Variants in NSD2 observed in about 807,000 individuals in gnomAD.
The protein encoded by NSD2 is nuclear receptor binding SET domain protein 2, also known as histone-lysine N-methyltransferase NSD2.
A neutral mutation model predicts 139.0 loss-of-function variants in NSD2; 12 were observed. The ratio of observed to expected loss-of-function variants is 0.09; its 90% CI spans 0.06 to 0.14. The LOEUF (loss-of-function observed/expected upper bound fraction) is 0.14. Ranked by LOEUF, NSD2 falls within the 10% of genes least tolerant of loss-of-function variation. The pLI is 1.00. For synonymous variants in NSD2, 669 were observed against 648.7 expected, an observed-to-expected ratio of 1.03 and a Z score of -0.48; for missense variants, 1,155 against 1,745.0, an observed-to-expected ratio of 0.66 and a Z score of 6.02.
At chr4:1,902,543 G>T (rs1456907774) in intron 2 of NSD2, among the ~76,000 whole-genome samples, 1 of 152,008 alleles carries the variant, frequency 6.6e-6, no homozygotes, top group Non-Finnish European at 1.5e-5. Context: ...TTTTTGAAGT[G>T]CCCACAGCAG....
intron 21 of NSD2, among the ~76,000 whole-genome samples, chr4:1,978,098 G>C (rs1214223456): frequency 6.6e-6 from 1 of 152,096 alleles, no homozygotes; most frequent in Non-Finnish European, 1.5e-5. Flanking sequence ...CTGCTCTCCA[G>C]CCTGGGCGAC....
chr4:1,904,711 T>C (rs1056545285), intron 3 of NSD2, among the ~76,000 whole-genome samples: 1 of 152,244 alleles, frequency 6.6e-6, no homozygotes, highest in Admixed American at 6.5e-5. Flanking sequence ...GTTTAAGTTG[T>C]AAAAATGTCC....
chr4:1,881,093 A>G (rs995824413), intron 1 of NSD2, among the ~76,000 whole-genome samples: 10 of 152,112 alleles, frequency 6.6e-5, no homozygotes, highest in Non-Finnish European at 1.5e-4. Context: ...TGGTTACATC[A>G]GGACTTCAGG....
chr4:1,920,544 T>G (rs1719980503), intron 5 of NSD2, among the ~76,000 whole-genome samples: 1 of 152,212 alleles, frequency 6.6e-6, no homozygotes, highest in African/African-American at 2.4e-5. Flanking sequence ...ATTCATTGCT[T>G]TTTTTAATTA....
In NSD2 at chr4:1,916,949, G is replaced by A; in HGVS notation, c.839G>A (p.Ser280Asn). 6.2e-7 allele frequency: 1 copy of A among 1,614,176 alleles called. No homozygotes were observed. Residue 280 changes from serine (S) to asparagine (N), a missense_variant, in exon 4 of 22, where the codon AGC (serine) becomes AAC (asparagine). This residue lies in a region of NSD2 where 420 missense variants were observed against 469.0 expected (regional missense o/e 0.90). Transcript: ENST00000508803. ...APERAWIFEK[S>N]LVAFEGEGQF... ...GAAAGAGCTTGGATATTTGAGAAGA[G>A]CCTCGTAGCTTTTGAAGGAGAAGGA... is the stretch of plus-strand genomic sequence containing the variant.
At position 1,980,524 on chromosome 4, in the gene NSD2, T is replaced by C. The variant is rs1727652856; in HGVS notation, c.*1615T>C. ...CCTGTTAAATTTTCTGTGGCATCTT[T>C]TATGCCTTGGTAAAAACTGCAGTGT... On this transcript the variant is annotated 3_prime_UTR_variant, in exon 22 of 22. Transcript: ENST00000508803. The C allele has an allele frequency of 1.7e-5, 4 of 233,244 alleles. No individual in the cohort carries two copies. The highest frequency in any genetic ancestry group is 3.4e-5 in the Non-Finnish European group (4 of 118,014). The allele number at this position is 233,244 out of a possible 1,614,324, so 14.4% of individuals were successfully genotyped here.
At chr4:1,969,984 C>T (rs749994357) in intron 18 of NSD2, among the ~76,000 whole-genome samples, 1 of 151,970 alleles carries the variant, frequency 6.6e-6, no homozygotes, top group South Asian at 2.1e-4. Context: ...AAGAACGGCA[C>T]GAAGGTGGAT....
intron 5 of NSD2, among the ~76,000 whole-genome samples, chr4:1,929,171 G>A (rs1721323615): frequency 6.6e-6 from 1 of 152,024 alleles, no homozygotes; most frequent in Non-Finnish European, 1.5e-5. Context: ...ACAAGAGGGA[G>A]TGGAGCACAT....
chr4:1,979,543 C>T lies in NSD2; in HGVS notation c.*634C>T, dbSNP rs1220918270. 4.3e-6 allele frequency: 1 copy of T among 233,030 alleles called. No individual in the cohort carries two copies. Among genetic ancestry groups the T allele is most frequent in the Non-Finnish European group, 8.5e-6 (1 of 117,912 alleles). 14.4% of individuals were successfully genotyped at this position (233,030 alleles called of 1,614,324 possible). A position where few individuals can be genotyped will look rare whatever the true frequency, so the allele number is the denominator to read the frequency against. ...CAGCAATGGTGTTGTAAGATTTCCT[C>T]CCGTAGTTTTTTCTCCTCATGGATT... On this transcript the variant is annotated 3_prime_UTR_variant, in exon 22 of 22. Coordinates refer to ENST00000508803, the MANE Select transcript of NSD2 (RefSeq NM_001042424.3).
Position 1,968,244 on chromosome 4 carries a change from A to C in NSD2, c.3373-6619A>C, listed in dbSNP as rs552191659. ...TTAAATGTGAGATCCAAGAAGTAAC[A>C]GTGAACAGACAAGTTTGTGGGTATG... On this transcript the variant is annotated intron_variant, in intron 18 of 21. Transcript: ENST00000508803. 7.2e-5 allele frequency among the ~76,000 whole-genome samples: 11 copies of C among 152,396 alleles called. No individual in the cohort carries two copies. In the South Asian group the frequency reaches 2.3e-3, roughly 32 times the overall value.
intron 5 of NSD2, among the ~76,000 whole-genome samples, chr4:1,928,410 TAGG>T (rs1268990088): frequency 2.0e-5 from 3 of 152,334 alleles, no homozygotes; most frequent in East Asian, 1.9e-4. Flanking sequence ...AGTCAGGAAG[TAGG>T]AGAATTGGGA....
Position 1,973,473 on chromosome 4 carries a change from AAGCATCTGCAG to A in NSD2, c.3373-1387_3373-1377del, listed in dbSNP as rs1407792541. Among the ~76,000 whole-genome samples, 2 of 152,222 alleles carry A rather than the reference AAGCATCTGCAG, an allele frequency of 1.3e-5. No individual in the cohort carries two copies. Among genetic ancestry groups the A allele is most frequent in the Non-Finnish European group, 2.9e-5 (2 of 68,040 alleles). Reference sequence around the variant, plus strand: ...CACCGCGGCTCAGCGCGTCATGACAAAGCATCTGCAGAGGGCAGATGAGCACCCCCACTTCT... The same window carrying A: ...CACCGCGGCTCAGCGCGTCATGACAAAGGGCAGATGAGCACCCCCACTTCT... On this transcript the variant is annotated intron_variant, in intron 18 of 21. Coordinates refer to ENST00000508803, the MANE Select transcript of NSD2 (RefSeq NM_001042424.3). This position sits in a 1 kb window ranked among gnomAD's most constrained non-coding sequence, Gnocchi z 5.5.
At chr4:1,950,766 A>G (rs1262625784) in intron 9 of NSD2, among the ~76,000 whole-genome samples, 2 of 152,276 alleles carry the variant, frequency 1.3e-5, no homozygotes, top group Non-Finnish European at 2.9e-5. Context: ...TTCACCTACT[A>G]GAGCAAATTG....
rs182019510 is a variant in NSD2 at position 1,935,289 on chromosome 4, C to T, written c.1674+27C>T. 2,843 of 1,570,552 alleles carry T rather than the reference C, an allele frequency of 1.8e-3. 2 individuals are homozygous for T. The highest frequency in any genetic ancestry group is 2.3e-3 in the Non-Finnish European group (2,635 of 1,142,256). On this transcript the variant is annotated intron_variant, in intron 7 of 21. Transcript: ENST00000508803. ...TAATTGTGTTCCAGGTTTGCTTGAC[C>T]TGTCAGAGTGTATGCTCTGTGACTC...
At position 1,981,543 on chromosome 4, in the gene NSD2, CAGGGGGATGTGT is replaced by C. The variant is rs1257440394; in HGVS notation, c.*2635_*2646del. 91 of 303,920 alleles carry C rather than the reference CAGGGGGATGTGT, an allele frequency of 3.0e-4. No individual in the cohort carries two copies. The highest frequency in any genetic ancestry group is 1.8e-3 in the African/African-American group (86 of 47,318). 18.8% of individuals were successfully genotyped at this position (303,920 alleles called of 1,614,324 possible). On this transcript the variant is annotated 3_prime_UTR_variant, in exon 22 of 22. Coordinates refer to ENST00000508803, the MANE Select transcript of NSD2 (RefSeq NM_001042424.3). ...ACCCATACCCACCCGTGTGCGCCCACAGGGGGATGTGTCCGAATGGGCAGCTTAAAATGTGGT... is the reference window on the plus strand; with the variant it reads ...ACCCATACCCACCCGTGTGCGCCCACCCGAATGGGCAGCTTAAAATGTGGT...
intron 5 of NSD2, among the ~76,000 whole-genome samples, chr4:1,928,337 T>A (rs1721206001): frequency 1.3e-5 from 2 of 152,220 alleles, no homozygotes; most frequent in Non-Finnish European, 2.9e-5. Context: ...AAATATAAAT[T>A]ATCTCTGCTT....
intron 9 of NSD2, chr4:1,947,731 A>C: frequency 9.5e-7 from 1 of 1,052,734 alleles, no homozygotes; most frequent in Non-Finnish European, 1.1e-6. Context: ...CCTTCTTTAC[A>C]AAACCATCAT....
In NSD2 at chr4:1,972,535, C is replaced by T. The variant is rs1451838129; in HGVS notation, c.3373-2328C>T. Among the ~76,000 whole-genome samples the T allele has an allele frequency of 1.4e-4, 22 of 152,210 alleles. No homozygotes were observed. The highest frequency in any genetic ancestry group is 5.9e-4 in the Admixed American group (9 of 15,284). ...CCCCATGGCATTCCTGTGACTCCAG[C>T]GGGGCCCAAACCCAGGCGGATGGCC... On this transcript the variant is annotated intron_variant, in intron 18 of 21. Transcript: ENST00000508803. This position sits in a 1 kb window ranked among gnomAD's most constrained non-coding sequence, Gnocchi z 4.0.
At chr4:1,904,086 C>A in intron 2 of NSD2, 130 bp from the exon 3 acceptor site, 1 of 1,040,032 alleles carries the variant, frequency 9.6e-7, no homozygotes, top group Non-Finnish European at 1.4e-6. Flanking sequence ...TAAAACACAG[C>A]AAGGGAGCAC....
Sources: allele counts gnomAD v4.1 joint callset (sites outside exome capture counted in the v4.1 genomes callset), GRCh38; gene constraint gnomAD v4.1.1; regional missense constraint gnomAD v4.1.1; non-coding constraint Gnocchi (gnomAD v3.1); transcripts MANE v1.5; gene names NCBI Gene and HGNC (gene_info 2026-07-23, HGNC 2026-07-21).